MRPL45: variants seen among roughly 807,000 people sequenced by gnomAD.
MRPL45 encodes the protein large ribosomal subunit protein mL45.
In MRPL45, 20 loss-of-function variants were observed where a neutral mutation model predicts 38.1. The ratio of observed to expected loss-of-function variants is 0.53; its 90% CI spans 0.37 to 0.76. The LOEUF (loss-of-function observed/expected upper bound fraction) is 0.76, where lower values mean the gene tolerates loss of function less well. Ranked by LOEUF, MRPL45 falls within the 30% of genes least tolerant of loss-of-function variation. MRPL45 has a pLI of 0.00. For synonymous variants in MRPL45, 105 were observed against 128.8 expected, an observed-to-expected ratio of 0.82 and a Z score of 1.25; for missense variants, 337 against 395.6, an observed-to-expected ratio of 0.85 and a Z score of 1.26.
At position 38,308,426 on chromosome 17, in the gene MRPL45, C is replaced by T. The variant is rs567601906; in HGVS notation, c.461+1795C>T. 2.9e-3 allele frequency among the ~76,000 whole-genome samples: 137 copies of T among 47,500 alleles called. 4 individuals are homozygous for T. The East Asian group carries it at 0.069, about 24-fold the overall frequency. 31.2% of individuals were successfully genotyped at this position (47,500 alleles called of 152,430 possible). On this transcript the variant is annotated intron_variant, in intron 4 of 7. Coordinates refer to ENST00000613675, the MANE Select transcript of MRPL45 (RefSeq NM_032351.6). Reference sequence around the variant, plus strand: ...CTCAGCCTTGTTTTATTTCTCAAAACATTGTTTTTTTTTTTGTTTGTTTGT... The same window carrying T: ...CTCAGCCTTGTTTTATTTCTCAAAATATTGTTTTTTTTTTTGTTTGTTTGT...
chr17:38,322,003 GC>G lies in MRPL45; in HGVS notation c.661-121del, dbSNP rs2037233888. The stretch of plus-strand genomic sequence containing the variant: ...GCTGAGATCATGCCACTGCACTCCA[GC>G]CAGGGCAACAGAGTGAGACTCTGTC... On this transcript the variant is annotated intron_variant, in intron 6 of 7. Coordinates refer to ENST00000613675, the MANE Select transcript of MRPL45 (RefSeq NM_032351.6). The G allele has an allele frequency of 3.0e-5, 30 of 1,005,186 alleles. 1 individual carries two copies. In the South Asian group the frequency reaches 4.8e-4, roughly 16 times the overall value. 62.3% of individuals were successfully genotyped at this position (1,005,186 alleles called of 1,614,324 possible). A position where few individuals can be genotyped will look rare whatever the true frequency, so the allele number is the denominator to read the frequency against.
At chr17:38,313,804 A>G (rs1370040106) in intron 4 of MRPL45, among the ~76,000 whole-genome samples, 2 of 151,198 alleles carry the variant, frequency 1.3e-5, no homozygotes, top group Non-Finnish European at 2.9e-5. Context: ...CTGGGATTAC[A>G]GGCATGCACC....
intron 1 of MRPL45, among the ~76,000 whole-genome samples, chr17:38,297,982 A>G (rs2036954144): frequency 6.6e-6 from 1 of 152,216 alleles, no homozygotes; most frequent in African/African-American, 2.4e-5. Flanking sequence ...CCTTAGTCCC[A>G]GCTACTTGGG....
rs547918803 is a variant in MRPL45, at chr17:38,317,075, C to A, written c.462-1612C>A. Among the ~76,000 whole-genome samples the A allele has an allele frequency of 2.0e-5, 3 of 152,286 alleles. No homozygotes were observed. The South Asian group carries it at 6.2e-4, about 32-fold the overall frequency. Reference sequence around the variant, plus strand: ...CCTCCCAAAGTGCTGGGATTACAGGCATGAGCCACCGCACCCGGCCCATAA... The same window carrying A: ...CCTCCCAAAGTGCTGGGATTACAGGAATGAGCCACCGCACCCGGCCCATAA... On this transcript the variant is annotated intron_variant, in intron 4 of 7. Coordinates refer to ENST00000613675, the MANE Select transcript of MRPL45 (RefSeq NM_032351.6).
At chr17:38,319,412 G>A (rs907921606) in intron 5 of MRPL45, among the ~76,000 whole-genome samples, 1 of 151,706 alleles carries the variant, frequency 6.6e-6, no homozygotes, top group African/African-American at 2.4e-5. Context: ...CAGGTGATCC[G>A]CCCGCCTCGG....
Position 38,297,214 on chromosome 17 carries a change from T to G in MRPL45, c.31T>G (p.Cys11Gly), listed in dbSNP as rs759664237. 6.2e-7 allele frequency: 1 copy of G among 1,614,176 alleles called. No individual in the cohort carries two copies. Among genetic ancestry groups the G allele is most frequent in the Admixed American group, 1.7e-5 (1 of 60,016 alleles). MAAPIPQGFS[C>G]LSRFLGWWSR... ...AGCCCCCATACCTCAAGGGTTCTCT[T>G]GTTTATCGAGGTTTTTGGGCTGGTG... The change falls in exon 1 of 8, where the codon TGT (cysteine) becomes GGT (glycine). Residue 11 changes from cysteine (C) to glycine (G), a missense_variant. Physicochemically the swap from Cys to Gly is radical, Grantham distance 159. Around this residue, in one of 3 missense-constraint regions of MRPL45, gnomAD observed 26 missense variants for 16.9 expected, o/e 1.54. Coordinates refer to ENST00000613675, the MANE Select transcript of MRPL45 (RefSeq NM_032351.6).
intron 3 of MRPL45, among the ~76,000 whole-genome samples, chr17:38,305,598 G>A (rs1213141931): frequency 1.3e-5 from 2 of 149,482 alleles, no homozygotes; most frequent in Non-Finnish European, 3.0e-5. Context: ...GTATTCTCCT[G>A]CCTCAGCCTC....
At chr17:38,312,309 G>A (rs1446816186) in intron 4 of MRPL45, among the ~76,000 whole-genome samples, 1 of 152,168 alleles carries the variant, frequency 6.6e-6, no homozygotes, top group Non-Finnish European at 1.5e-5. Flanking sequence ...GCCTCCGTAA[G>A]TGCGGGGATT....
chr17:38,310,197 G>A (rs1597650563), intron 4 of MRPL45, among the ~76,000 whole-genome samples: 1 of 125,772 alleles, frequency 8.0e-6, no homozygotes, highest in East Asian at 2.5e-4. Context: ...CTAATTTCTT[G>A]AACATGCTAA....
chr17:38,299,415 G>C lies in MRPL45; in HGVS notation c.309G>C (p.Glu103Asp). 2.5e-6 allele frequency: 4 copies of C among 1,612,922 alleles called. No homozygotes were observed. Among genetic ancestry groups the C allele is most frequent in the Non-Finnish European group, 3.4e-6 (4 of 1,179,762 alleles). The change falls in exon 3 of 8, where the codon GAG becomes GAC. Residue 103 changes from glutamate (E) to aspartate (D), a missense_variant. Around this residue, in one of 3 missense-constraint regions of MRPL45, gnomAD observed 251 missense variants for 269.1 expected, o/e 0.93. Coordinates refer to ENST00000613675, the MANE Select transcript of MRPL45 (RefSeq NM_032351.6). ...GDARISSLSK[E>D]GLIERTERMK... Reference sequence around the variant, plus strand: ...CACGCATATCATCTCTTTCAAAGGAGGGACTGATAGAGAGAACTGAACGAA... The same window carrying C: ...CACGCATATCATCTCTTTCAAAGGACGGACTGATAGAGAGAACTGAACGAA...
chr17:38,308,213 T>G (rs1168163467), intron 4 of MRPL45, among the ~76,000 whole-genome samples: 3 of 151,906 alleles, frequency 2.0e-5, no homozygotes, highest in African/African-American at 7.3e-5. Flanking sequence ...CTGTGCCTCC[T>G]GGGTTCAAGC....
chr17:38,300,352 C>T (rs1173284820), intron 3 of MRPL45, among the ~76,000 whole-genome samples: 3 of 151,998 alleles, frequency 2.0e-5, no homozygotes, highest in Non-Finnish European at 4.4e-5. Context: ...TTTGTAGAGA[C>T]GGGTTATCAC....
chr17:38,321,856 C>T (rs895510190), intron 6 of MRPL45, among the ~76,000 whole-genome samples: 6 of 151,588 alleles, frequency 4.0e-5, no homozygotes, highest in African/African-American at 1.5e-4. Flanking sequence ...GGTGACACCC[C>T]ATCTCTACTA....
intron 3 of MRPL45, among the ~76,000 whole-genome samples, chr17:38,304,636 T>C (rs940141980): frequency 6.6e-6 from 1 of 152,162 alleles, no homozygotes; most frequent in Non-Finnish European, 1.5e-5. Flanking sequence ...CTCTGCCTCT[T>C]GGGTTCAAAC....
chr17:38,322,309 C>T lies in MRPL45; in HGVS notation c.834+10C>T, dbSNP rs1198215472. On this transcript the variant is annotated intron_variant, in intron 7 of 7. Coordinates refer to ENST00000613675, the MANE Select transcript of MRPL45 (RefSeq NM_032351.6). ...GCAGCCCATCCTTAAGGTAAGGTGG[C>T]TTGCATGGTTTAAGAGAGCTGAGGC... The T allele has an allele frequency of 6.2e-7, 1 of 1,612,874 alleles. No homozygotes were observed. Among genetic ancestry groups the T allele is most frequent in the African/African-American group, 1.3e-5 (1 of 74,658 alleles).
At chr17:38,305,800 G>A (rs2037047727) in intron 3 of MRPL45, among the ~76,000 whole-genome samples, 1 of 151,864 alleles carries the variant, frequency 6.6e-6, no homozygotes, top group South Asian at 2.1e-4. Context: ...GCACCACCAT[G>A]CCCAGCTTAT....
intron 3 of MRPL45, among the ~76,000 whole-genome samples, chr17:38,302,793 C>T (rs1191316666): frequency 8.7e-5 from 13 of 149,256 alleles, no homozygotes; most frequent in Middle Eastern, 3.4e-3. Flanking sequence ...GGCTCCATCT[C>T]GGCCCACTGC....
In MRPL45 at chr17:38,306,607, T is replaced by A; in HGVS notation, c.437T>A (p.Ile146Asn). ...DFPEKAKDIF[I>N]EAHLCLNNSD... ...CCTGAAAAAGCTAAGGATATCTTTA[T>A]TGAAGCTCACCTTTGTCTAAATAAG... is the stretch of plus-strand genomic sequence containing the variant. Residue 146 changes from isoleucine to asparagine, a missense_variant, in exon 4 of 8, where the codon ATT becomes AAT. Physicochemically the swap from Ile to Asn is moderately radical, Grantham distance 149. This residue lies in a region of MRPL45 where 251 missense variants were observed against 269.1 expected (regional missense o/e 0.93). Coordinates refer to ENST00000613675, the MANE Select transcript of MRPL45 (RefSeq NM_032351.6). 8 of 1,613,546 alleles carry A rather than the reference T, an allele frequency of 5.0e-6. No individual in the cohort carries two copies. Among genetic ancestry groups the A allele is most frequent in the Non-Finnish European group, 6.8e-6 (8 of 1,179,808 alleles).
Position 38,298,438 on chromosome 17 carries a change from T to G in MRPL45, c.67-11T>G. 2 of 1,574,184 alleles carry G rather than the reference T, an allele frequency of 1.3e-6. No homozygotes were observed. Among genetic ancestry groups the G allele is most frequent in the East Asian group, 2.2e-5 (1 of 44,740 alleles). On this transcript the variant is annotated splice_polypyrimidine_tract_variant and intron_variant, in intron 1 of 7. Transcript: ENST00000613675. ...TTTTTCTAGGTTCCTAACCTTTCCT[T>G]TACCTTCCAGCCAGTTCTGGTGACT... is the stretch of plus-strand genomic sequence containing the variant.
Sources: gnomAD v4.1 joint callset for allele counts (sites outside exome capture counted in the v4.1 genomes callset) on GRCh38, gnomAD v4.1.1 for gene constraint, gnomAD v4.1.1 regional missense constraint, MANE v1.5 for transcripts, NCBI Gene and HGNC (gene_info 2026-07-23, HGNC 2026-07-21) for gene names.